EDA2R: variants seen among roughly 807,000 people sequenced by gnomAD.
The protein encoded by EDA2R is ectodysplasin A2 receptor.
A neutral mutation model predicts 20.1 loss-of-function variants in EDA2R; 26 were observed. That is an observed-to-expected ratio of 1.30 (90% confidence interval 0.95 to 1.80). EDA2R has a LOEUF of 1.80. Ranked by LOEUF, EDA2R falls within the 40% of genes most tolerant of loss-of-function variation. The pLI, the probability that EDA2R is intolerant of heterozygous loss-of-function variation, is 0.00. For missense variants in EDA2R, 277 were observed against 228.7 expected (o/e 1.21, Z -1.36); for synonymous variants, 114 against 88.7 (o/e 1.29, Z -1.60).
intron 1 of EDA2R, among the ~76,000 whole-genome samples, chrX:66,636,906 A>C (rs1934377244): frequency 1.9e-5 from 2 of 106,311 alleles, no homozygotes; most frequent in Non-Finnish European, 3.9e-5. Context: ...TCTGTTTGGC[A>C]TTAAATGCAG....
At chrX:66,632,190 G>A (rs956761409) in intron 1 of EDA2R, among the ~76,000 whole-genome samples, 15 of 111,992 alleles carry the variant, frequency 1.3e-4, no homozygotes, top group Admixed American at 1.9e-4. Context: ...TTGGGAGGTC[G>A]AGGCAGGTGG....
intron 6 of EDA2R, among the ~76,000 whole-genome samples, chrX:66,598,496 T>C (rs376445130): frequency 9.0e-6 from 1 of 111,571 alleles, no homozygotes; most frequent in East Asian, 2.8e-4. Flanking sequence ...CAATTGTGTA[T>C]ACTGTAATAT....
intron 1 of EDA2R, among the ~76,000 whole-genome samples, chrX:66,635,773 T>C (rs1934262102): frequency 8.9e-6 from 1 of 112,494 alleles, no homozygotes; most frequent in African/African-American, 3.2e-5. Flanking sequence ...AGTTTCATTT[T>C]CTCTAGGCCT....
chrX:66,632,608 GAA>G (rs371914399), intron 1 of EDA2R, among the ~76,000 whole-genome samples: 30 of 80,262 alleles, frequency 3.7e-4, no homozygotes, highest in African/African-American at 1.2e-3. Flanking sequence ...AGCCAGAGAA[GAA>G]AAAAAAAAAA....
chrX:66,611,877 T>C (rs1484179164), intron 2 of EDA2R, among the ~76,000 whole-genome samples: 1 of 110,767 alleles, frequency 9.0e-6, no homozygotes, highest in African/African-American at 3.3e-5. Context: ...TGCACACCAA[T>C]ACACATCATA....
intron 1 of EDA2R, among the ~76,000 whole-genome samples, chrX:66,618,047 C>A (rs1932018798): frequency 9.0e-6 from 1 of 110,660 alleles, no homozygotes; most frequent in Non-Finnish European, 1.9e-5. Context: ...CCACCATGCC[C>A]AGCAAATTTT....
At chrX:66,628,304 C>T (rs1933317087) in intron 1 of EDA2R, among the ~76,000 whole-genome samples, 1 of 109,916 alleles carries the variant, frequency 9.1e-6, no homozygotes, top group Admixed American at 9.7e-5. Flanking sequence ...AAACCCAAAC[C>T]CAGCAGAAGA....
At chrX:66,598,890 A>G (rs939062127) in intron 6 of EDA2R, among the ~76,000 whole-genome samples, 4 of 111,536 alleles carry the variant, frequency 3.6e-5, no homozygotes, top group African/African-American at 1.3e-4. Flanking sequence ...TGGCTATCAA[A>G]TGGTTGCAAT....
At chrX:66,604,677 C>G (rs888665241) in intron 3 of EDA2R, among the ~76,000 whole-genome samples, 171 bp from the exon 4 acceptor site, 1 of 111,833 alleles carries the variant, frequency 8.9e-6, no homozygotes, top group Non-Finnish European at 1.9e-5. Context: ...GACCCAGACA[C>G]TCTACTTCTT....
intron 1 of EDA2R, among the ~76,000 whole-genome samples, chrX:66,618,246 C>T (rs978234462): frequency 1.8e-4 from 20 of 111,468 alleles, no homozygotes; most frequent in Admixed American, 1.9e-4. Flanking sequence ...ATCTTTCATT[C>T]GACGCTTAAC....
In EDA2R at chrX:66,602,712, C is replaced by A; in HGVS notation, c.438G>T (p.Leu146=). 1 of 1,199,792 alleles carries A rather than the reference C, an allele frequency of 8.3e-7. No individual in the cohort carries two copies. ...GGAAGGCCAGGGTAAACACCACTAG[C>A]AGGCTGCTCACCAGTGCAACAAGTG... ...EATLVALVSS[L]LVVFTLAFLG... Residue 146 remains leucine (L), a synonymous_variant, in exon 5 of 7, where the codon CTG becomes CTT. Coordinates refer to ENST00000374719, the MANE Select transcript of EDA2R (RefSeq NM_021783.5).
intron 5 of EDA2R, among the ~76,000 whole-genome samples, chrX:66,601,923 T>C (rs1602188460): frequency 9.0e-6 from 1 of 111,686 alleles, no homozygotes; most frequent in East Asian, 2.8e-4. Context: ...ATCACAATGT[T>C]ACTGTGACTT....
rs1298561158 is a variant in EDA2R, at chrX:66,616,413, G to T, written c.-10-383C>A. On this transcript the variant is annotated intron_variant, in intron 1 of 6. Coordinates refer to ENST00000374719, the MANE Select transcript of EDA2R (RefSeq NM_021783.5). ...AGTTGGCTTCTGCCCAGGGGGTAAAGAATAATCACAATCCCTCATGTGTGA... is the reference window on the plus strand; with the variant it reads ...AGTTGGCTTCTGCCCAGGGGGTAAATAATAATCACAATCCCTCATGTGTGA... 2.7e-5 allele frequency among the ~76,000 whole-genome samples: 3 copies of T among 112,358 alleles called. No homozygotes were observed. The South Asian group carries it at 1.1e-3, about 41-fold the overall frequency.
chrX:66,636,414 G>A (rs1934327756), intron 1 of EDA2R, among the ~76,000 whole-genome samples: 1 of 110,348 alleles, frequency 9.1e-6, no homozygotes, highest in South Asian at 3.9e-4. Flanking sequence ...GAAGATGCAG[G>A]GGGATCTGAT....
intron 1 of EDA2R, among the ~76,000 whole-genome samples, chrX:66,634,611 C>T (rs1459101644): frequency 2.7e-5 from 3 of 111,603 alleles, no homozygotes; most frequent in Non-Finnish European, 5.6e-5. Context: ...TAACCCCATT[C>T]CCTGATGATC....
chrX:66,633,407 G>A (rs2148050960), intron 1 of EDA2R, among the ~76,000 whole-genome samples: 1 of 111,827 alleles, frequency 8.9e-6, no homozygotes, highest in East Asian at 2.8e-4. Flanking sequence ...CTGATTTTGA[G>A]GGAAAACGTT....
At chrX:66,604,313 T>A (rs1372304293) in intron 4 of EDA2R, 108 bp downstream of exon 4, 18 of 621,032 alleles carry the variant, frequency 2.9e-5, no homozygotes, top group Middle Eastern at 6.8e-4. Context: ...CCCTTGCCAC[T>A]CTACTCTACA....
At chrX:66,625,188 T>C in intron 1 of EDA2R, among the ~76,000 whole-genome samples, 1 of 111,502 alleles carries the variant, frequency 9.0e-6, no homozygotes, top group Non-Finnish European at 1.9e-5. Flanking sequence ...GGGTAGGGCA[T>C]GAATCTGGTG....
At chrX:66,610,553 G>T (rs967353443) in intron 2 of EDA2R, among the ~76,000 whole-genome samples, 11 of 111,701 alleles carry the variant, frequency 9.8e-5, no homozygotes, top group Non-Finnish European at 5.6e-5. Flanking sequence ...AATAAGTTGA[G>T]TGATTGATTG....
Sources: gnomAD v4.1 joint callset for allele counts (sites outside exome capture counted in the v4.1 genomes callset) on GRCh38, gnomAD v4.1.1 for gene constraint, MANE v1.5 for transcripts, NCBI Gene and HGNC (gene_info 2026-07-23, HGNC 2026-07-21) for gene names.